KIF13A: variants seen among roughly 807,000 people sequenced by gnomAD.
The protein encoded by KIF13A is kinesin-like protein KIF13A.
A neutral mutation model predicts 212.2 loss-of-function variants in KIF13A; 79 were observed. The observed-to-expected ratio is 0.37, with a 90% confidence interval of 0.31 to 0.45. The LOEUF is 0.45. Ranked by LOEUF, KIF13A falls within the 20% of genes least tolerant of loss-of-function variation. The pLI, the probability that KIF13A is intolerant of heterozygous loss-of-function variation, is 1.00. For synonymous variants in KIF13A, 789 were observed against 808.6 expected (o/e 0.98, Z 0.41); for missense variants, 1,901 against 2,209.0 (o/e 0.86, Z 2.79).
chr6:17,950,354 T>C (rs1777744252), intron 2 of KIF13A: 2 of 933,958 alleles, frequency 2.1e-6, no homozygotes, highest in South Asian at 4.9e-5. Flanking sequence ...ACAAACCTTA[T>C]ATATTTGGTT....
intron 2 of KIF13A, among the ~76,000 whole-genome samples, chr6:17,910,206 T>C (rs1773915517): frequency 6.6e-6 from 1 of 152,252 alleles, no homozygotes; most frequent in East Asian, 1.9e-4. Flanking sequence ...TTTTAAAATG[T>C]GCATTTACTT....
chr6:17,761,316 G>GCGAT (rs1479552738), downstream of KIF13A, among the ~76,000 whole-genome samples: 1 of 152,156 alleles, frequency 6.6e-6, no homozygotes, highest in African/African-American at 2.4e-5. Context: ...CTGGGTTCAT[G>GCGAT]CGATCTTCCT....
chr6:17,872,442 T>C lies in KIF13A; in HGVS notation c.220+935A>G, dbSNP rs1381011427. ...GCTCTATTGTACAACACGGTGACTA[T>C]AGTTAATAACAACGTACTGTATTCC... On this transcript the variant is annotated intron_variant, in intron 4 of 38. Transcript: ENST00000259711. The surrounding 1 kb of genome is among the most constrained non-coding windows in gnomAD (Gnocchi z 4.7). Among the ~76,000 whole-genome samples, 5 of 152,292 alleles carry C rather than the reference T, an allele frequency of 3.3e-5. No individual in the cohort carries two copies. In the South Asian group the frequency reaches 8.3e-4, roughly 25 times the overall value.
At chr6:17,966,276 T>C (rs1779298769) in intron 2 of KIF13A, among the ~76,000 whole-genome samples, 1 of 152,202 alleles carries the variant, frequency 6.6e-6, no homozygotes, top group South Asian at 2.1e-4. Context: ...TTATTTTTTA[T>C]GTGTGCTATT....
At chr6:17,761,965 G>C (rs1224193898), downstream of KIF13A, among the ~76,000 whole-genome samples, 1 of 152,126 alleles carries the variant, frequency 6.6e-6, no homozygotes, top group Non-Finnish European at 1.5e-5. Context: ...GAGGAAGGAA[G>C]GGTTTGTGAA....
chr6:17,810,534 T>C (rs902040886), intron 17 of KIF13A, among the ~76,000 whole-genome samples: 49 of 152,138 alleles, frequency 3.2e-4, no homozygotes, highest in African/African-American at 1.2e-3. Flanking sequence ...TGGACCGAGG[T>C]TGGGGAAAGG....
rs539996836 is a variant in KIF13A at position 17,871,718 on chromosome 6, G to T, written c.220+1659C>A. On this transcript the variant is annotated intron_variant, in intron 4 of 38. Transcript: ENST00000259711. This position sits in a 1 kb window ranked among gnomAD's most constrained non-coding sequence, Gnocchi z 4.4. Reference sequence around the variant, plus strand: ...TAAAGGACCTCAAATGTAGTCCAAAGAGTATAGATTTTTTCTAGCATGTGA... The same window carrying T: ...TAAAGGACCTCAAATGTAGTCCAAATAGTATAGATTTTTTCTAGCATGTGA... Among the ~76,000 whole-genome samples, 20 of 152,300 alleles carry T rather than the reference G, an allele frequency of 1.3e-4. 1 individual carries two copies. The highest frequency in any genetic ancestry group is 8.5e-4 in the Admixed American group (13 of 15,294).
At chr6:17,790,849 C>T (rs1368252961) in intron 25 of KIF13A, among the ~76,000 whole-genome samples, 1 of 152,164 alleles carries the variant, frequency 6.6e-6, no homozygotes, top group Non-Finnish European at 1.5e-5. Flanking sequence ...TCAGTACTCT[C>T]TATTGACCAT....
intron 2 of KIF13A, among the ~76,000 whole-genome samples, chr6:17,962,779 G>A (rs527642612): frequency 2.0e-5 from 3 of 152,186 alleles, no homozygotes; most frequent in African/African-American, 2.4e-5. Flanking sequence ...CATTGGAGGT[G>A]TAACACAGCC....
Position 17,799,535 on chromosome 6 carries a change from T to C in KIF13A, c.2617-96A>G, listed in dbSNP as rs6459573. 914,509 of 992,592 alleles carry C rather than the reference T, an allele frequency of 0.92. 421,684 individuals are homozygous for C. The highest frequency in any genetic ancestry group is 1 in the East Asian group (37,588 of 37,726). 61.5% of individuals were successfully genotyped at this position (992,592 alleles called of 1,614,324 possible). A position where few individuals can be genotyped will look rare whatever the true frequency, so the allele number is the denominator to read the frequency against. ...TTTAAGAGTAAGCGATGAAACAAAT[T>C]GGTCATCCATTTGACATGTGAAAAT... On this transcript the variant is annotated intron_variant, in intron 21 of 38. Coordinates refer to ENST00000259711, the MANE Select transcript of KIF13A (RefSeq NM_022113.6). This position sits in a 1 kb window ranked among gnomAD's most constrained non-coding sequence, Gnocchi z 4.4.
At chr6:17,824,771 AAAAAAAAAAC>A (rs1179925800) in intron 16 of KIF13A, among the ~76,000 whole-genome samples, 3 of 147,790 alleles carry the variant, frequency 2.0e-5, no homozygotes, top group East Asian at 3.9e-4. Context: ...AAAAAAAAAA[AAAAAAAAAAC>A]AAAACACCAA....
Position 17,794,837 on chromosome 6 carries a change from C to A in KIF13A, c.2943-133G>T. The A allele has an allele frequency of 1.1e-6, 1 of 918,048 alleles. No homozygotes were observed. The highest frequency in any genetic ancestry group is 1.6e-6 in the Non-Finnish European group (1 of 630,740). 56.9% of individuals were successfully genotyped at this position (918,048 alleles called of 1,614,324 possible). ...CCATTTATCTTGTATAAGTTACTTCCTTATTTAACTCTCAAAACCAACCTG... is the reference window on the plus strand; with the variant it reads ...CCATTTATCTTGTATAAGTTACTTCATTATTTAACTCTCAAAACCAACCTG... On this transcript the variant is annotated intron_variant, in intron 23 of 38. Transcript: ENST00000259711. The surrounding 1 kb of genome is among the most constrained non-coding windows in gnomAD (Gnocchi z 4.1).
chr6:17,808,003 G>C (rs1763116130), intron 18 of KIF13A, among the ~76,000 whole-genome samples: 1 of 152,184 alleles, frequency 6.6e-6, no homozygotes, highest in Non-Finnish European at 1.5e-5. Context: ...GAAATGACAG[G>C]AAACTCCCAG....
chr6:17,899,206 C>T lies in KIF13A; in HGVS notation c.147-1026G>A, dbSNP rs571971540. Among the ~76,000 whole-genome samples, 12 of 152,146 alleles carry T rather than the reference C, an allele frequency of 7.9e-5. No individual in the cohort carries two copies. The South Asian group carries it at 2.5e-3, about 32-fold the overall frequency. On this transcript the variant is annotated intron_variant, in intron 2 of 38. Transcript: ENST00000259711. This position sits in a 1 kb window ranked among gnomAD's most constrained non-coding sequence, Gnocchi z 5.2. ...TTTCTTCATGTATAAAATTAAGGAG[C>T]TCAATTATGATTTCTAAGTTATGCA...
rs543392887 is a variant in KIF13A at position 17,958,118 on chromosome 6, C to T, written c.146+28936G>A. Among the ~76,000 whole-genome samples, 7 of 152,300 alleles carry T rather than the reference C, an allele frequency of 4.6e-5. No homozygotes were observed. The South Asian group carries it at 1.4e-3, about 32-fold the overall frequency. On this transcript the variant is annotated intron_variant, in intron 2 of 38. Coordinates refer to ENST00000259711, the MANE Select transcript of KIF13A (RefSeq NM_022113.6). The stretch of plus-strand genomic sequence containing the variant: ...AAGCTTCTCATATAATAGACACCCG[C>T]CTTTACAAGCTGCTAAGCTGCCACT...
In KIF13A at chr6:17,771,833, T is replaced by C; in HGVS notation, c.4476+75A>G. 3 of 1,433,836 alleles carry C rather than the reference T, an allele frequency of 2.1e-6. No homozygotes were observed. The South Asian group carries it at 3.6e-5, about 17-fold the overall frequency. 88.8% of individuals were successfully genotyped at this position (1,433,836 alleles called of 1,614,324 possible). A position where few individuals can be genotyped will look rare whatever the true frequency, so the allele number is the denominator to read the frequency against. On this transcript the variant is annotated intron_variant, in intron 37 of 38. Transcript: ENST00000259711. This position sits in a 1 kb window ranked among gnomAD's most constrained non-coding sequence, Gnocchi z 5.4. ...ATGTCCACATGCAGCACTCAGCTTG[T>C]TAATGCACACTGCTGCTTCACAGGT...
intron 38 of KIF13A, chr6:17,770,901 A>G: frequency 1.9e-6 from 1 of 537,342 alleles, no homozygotes; most frequent in South Asian, 3.1e-5. Context: ...TTTTCTAAGC[A>G]AACTTAAGCA....
In KIF13A at chr6:17,971,297, A is replaced by G. The variant is rs1293949305; in HGVS notation, c.146+15757T>C. Among the ~76,000 whole-genome samples, 1 of 152,214 alleles carries G rather than the reference A, an allele frequency of 6.6e-6. No individual in the cohort carries two copies. Among genetic ancestry groups the G allele is most frequent in the Non-Finnish European group, 1.5e-5 (1 of 68,036 alleles). ...CAATTTCCAGGAAAAGAGATAATTA[A>G]TGTGATCACTTCACAAAATTAAATG... On this transcript the variant is annotated intron_variant, in intron 2 of 38. Transcript: ENST00000259711. The surrounding 1 kb of genome is among the most constrained non-coding windows in gnomAD (Gnocchi z 4.2).
At chr6:17,803,193 CAAAG>C (rs1762627146) in intron 20 of KIF13A, among the ~76,000 whole-genome samples, 1 of 152,136 alleles carries the variant, frequency 6.6e-6, no homozygotes, top group African/African-American at 2.4e-5. Context: ...CTCTGCCTCC[CAAAG>C]TGCAGGGATT....
Sources: gnomAD v4.1 joint callset for allele counts (sites outside exome capture counted in the v4.1 genomes callset) on GRCh38, gnomAD v4.1.1 for gene constraint, Gnocchi (gnomAD v3.1) non-coding constraint, MANE v1.5 for transcripts, NCBI Gene and HGNC (gene_info 2026-07-23, HGNC 2026-07-21) for gene names.